Variants in ITGBL1 observed in about 807,000 individuals in gnomAD.
ITGBL1 encodes integrin subunit beta like 1, also known as integrin beta-like protein 1.
In ITGBL1, 51 loss-of-function variants were observed where a neutral mutation model predicts 68.5. The observed-to-expected ratio is 0.74, with a 90% CI of 0.59 to 0.94. The LOEUF (loss-of-function observed/expected upper bound fraction) is 0.94. ITGBL1 is among the 40% of genes least tolerant of loss of function. The pLI, the probability that ITGBL1 is intolerant of heterozygous loss-of-function variation, is 0.00. For synonymous variants in ITGBL1, 209 were observed against 227.3 expected (o/e 0.92, Z 0.72); for missense variants, 649 against 647.4 (o/e 1.00, Z -0.03).
At chr13:101,462,329 T>C (rs2048328589) in intron 2 of ITGBL1, among the ~76,000 whole-genome samples, 1 of 152,168 alleles carries the variant, frequency 6.6e-6, no homozygotes, top group Admixed American at 6.6e-5. Context: ...GCAAAGTCAC[T>C]TTTGCCACGT....
chr13:101,476,054 T>A (rs1362945501), intron 2 of ITGBL1, among the ~76,000 whole-genome samples: 1 of 152,086 alleles, frequency 6.6e-6, no homozygotes, highest in African/African-American at 2.4e-5. Flanking sequence ...ATACAGAATA[T>A]TATAGCACTG....
At chr13:101,472,269 G>A (rs1594830215) in intron 2 of ITGBL1, among the ~76,000 whole-genome samples, 1 of 152,226 alleles carries the variant, frequency 6.6e-6, no homozygotes, top group African/African-American at 2.4e-5. Flanking sequence ...TGCTCTTAGT[G>A]TAAATGTATG....
intron 7 of ITGBL1, among the ~76,000 whole-genome samples, chr13:101,626,651 G>T (rs1422481021): frequency 6.6e-6 from 1 of 152,068 alleles, no homozygotes; most frequent in Non-Finnish European, 1.5e-5. Flanking sequence ...ACAAATGAAG[G>T]ATTTGAATTT....
chr13:101,594,525 T>C (rs2050710477), intron 6 of ITGBL1, among the ~76,000 whole-genome samples: 1 of 148,752 alleles, frequency 6.7e-6, no homozygotes. Context: ...GTCTTAGCAA[T>C]GATTTTTTTT....
At chr13:101,638,763 G>C (rs995248609) in intron 7 of ITGBL1, among the ~76,000 whole-genome samples, 4 of 152,118 alleles carry the variant, frequency 2.6e-5, no homozygotes, top group Non-Finnish European at 4.4e-5. Flanking sequence ...GGAATTATGG[G>C]AGCTACAATT....
chr13:101,501,720 G>T (rs1352513454), intron 2 of ITGBL1, among the ~76,000 whole-genome samples: 1 of 152,064 alleles, frequency 6.6e-6, no homozygotes, highest in Non-Finnish European at 1.5e-5. Context: ...CCCCAGCAAG[G>T]TCAGTTTTGT....
At chr13:101,506,108 G>A (rs2049022957) in intron 2 of ITGBL1, among the ~76,000 whole-genome samples, 1 of 152,240 alleles carries the variant, frequency 6.6e-6, no homozygotes, top group South Asian at 2.1e-4. Flanking sequence ...CTACTACAAT[G>A]CGCTCACTGT....
At chr13:101,701,713 G>A (rs549973105) in intron 8 of ITGBL1, among the ~76,000 whole-genome samples, 6 of 152,140 alleles carry the variant, frequency 3.9e-5, no homozygotes, top group South Asian at 4.1e-4. Context: ...GGATCTTTAA[G>A]ATATGTTAAA....
At chr13:101,567,613 C>A in intron 2 of ITGBL1, 86 bp from the exon 3 acceptor site, 3 of 1,257,014 alleles carry the variant, frequency 2.4e-6, no homozygotes, top group Non-Finnish European at 3.3e-6. Context: ...AGTCCCAAAT[C>A]AATGTCACTG....
intron 5 of ITGBL1, among the ~76,000 whole-genome samples, chr13:101,581,112 A>G (rs2050450388): frequency 6.6e-6 from 1 of 152,114 alleles, no homozygotes; most frequent in African/African-American, 2.4e-5. Flanking sequence ...GCACATACCT[A>G]TCTTGTCTTC....
At chr13:101,696,551 C>T (rs1026100999) in intron 8 of ITGBL1, among the ~76,000 whole-genome samples, 2 of 152,084 alleles carry the variant, frequency 1.3e-5, no homozygotes, top group African/African-American at 4.8e-5. Flanking sequence ...TGTCACTTCT[C>T]CTTGTGAATA....
At chr13:101,647,520 C>T (rs936308490) in intron 7 of ITGBL1, among the ~76,000 whole-genome samples, 8 of 152,128 alleles carry the variant, frequency 5.3e-5, no homozygotes, top group Non-Finnish European at 1.2e-4. Context: ...AATGGGAATG[C>T]CGTTAAGGCA....
intron 2 of ITGBL1, among the ~76,000 whole-genome samples, chr13:101,556,227 G>A (rs1394190957): frequency 2.0e-5 from 3 of 152,188 alleles, no homozygotes; most frequent in Non-Finnish European, 4.4e-5. Context: ...CTAACACCCA[G>A]TACCTCAGGA....
Position 101,598,338 on chromosome 13 carries a change from T to A in ITGBL1, c.1015+39T>A, listed in dbSNP as rs144043759. 1.4e-3 allele frequency: 2,127 copies of A among 1,468,758 alleles called. 30 individuals carry two copies. The African/African-American group carries it at 0.028, about 19-fold the overall frequency. The allele number at this position is 1,468,758 out of a possible 1,614,324, so 91.0% of individuals were successfully genotyped here. A position where few individuals can be genotyped will look rare whatever the true frequency, so the allele number is the denominator to read the frequency against. On this transcript the variant is annotated intron_variant, in intron 7 of 10. Coordinates refer to ENST00000376180, the MANE Select transcript of ITGBL1 (RefSeq NM_004791.3). ...CTCAGGGCTTCCCACGGCCTCTCCA[T>A]CACAATTCAAATGAATTCAATGCAC...
At chr13:101,479,071 A>G (rs1173345154) in intron 2 of ITGBL1, among the ~76,000 whole-genome samples, 1 of 152,132 alleles carries the variant, frequency 6.6e-6, no homozygotes, top group African/African-American at 2.4e-5. Context: ...ACACAGAGCT[A>G]TAGTAACCCA....
chr13:101,621,578 A>T (rs955428653), intron 7 of ITGBL1, among the ~76,000 whole-genome samples: 1 of 152,134 alleles, frequency 6.6e-6, no homozygotes, highest in Admixed American at 6.6e-5. Context: ...TTGCATAGCC[A>T]TTGAAAAAGG....
chr13:101,701,311 G>T (rs1017995186), intron 8 of ITGBL1, among the ~76,000 whole-genome samples: 2 of 152,110 alleles, frequency 1.3e-5, no homozygotes. Context: ...GAGGCGGGCA[G>T]ATCATGAGGT....
At chr13:101,499,760 G>A (rs944340187) in intron 2 of ITGBL1, among the ~76,000 whole-genome samples, 1 of 152,220 alleles carries the variant, frequency 6.6e-6, no homozygotes, top group African/African-American at 2.4e-5. Context: ...TTTAAAAAAG[G>A]AGAGAGATTT....
intron 2 of ITGBL1, among the ~76,000 whole-genome samples, chr13:101,455,125 A>G (rs1187393384): frequency 6.6e-6 from 1 of 152,236 alleles, no homozygotes; most frequent in Non-Finnish European, 1.5e-5. Flanking sequence ...AATTTGTAGG[A>G]AAAACCAGCC....
Sources: gnomAD v4.1 joint callset for allele counts (sites outside exome capture counted in the v4.1 genomes callset) on GRCh38, gnomAD v4.1.1 for gene constraint, MANE v1.5 for transcripts, NCBI Gene and HGNC (gene_info 2026-07-23, HGNC 2026-07-21) for gene names.